CTNNA3: variants seen among roughly 807,000 people sequenced by gnomAD.
The protein encoded by CTNNA3 is catenin alpha 3.
A neutral mutation model predicts 95.7 loss-of-function variants in CTNNA3; 76 were observed. The observed-to-expected ratio is 0.79, with a 90% CI of 0.66 to 0.96. The LOEUF (loss-of-function observed/expected upper bound fraction) is 0.96. Among genes scored for constraint, CTNNA3 ranks in the 40% least tolerant of loss-of-function variants. The pLI is 0.00. For synonymous variants in CTNNA3, 431 were observed against 374.4 expected, an observed-to-expected ratio of 1.15 and a Z score of -1.74; for missense variants, 1,191 against 1,089.8, an observed-to-expected ratio of 1.09 and a Z score of -1.31.
At chr10:66,022,106 T>C (rs6480126) in intron 15 of CTNNA3, among the ~76,000 whole-genome samples, 107,825 of 151,564 alleles carry the variant, frequency 0.71, 38,689 homozygotes, top group East Asian at 0.93. Context: ...AATCTTCCTG[T>C]CTCAGCCTCC....
chr10:67,011,483 C>A (rs1420602225), intron 7 of CTNNA3, among the ~76,000 whole-genome samples: 3 of 152,080 alleles, frequency 2.0e-5, no homozygotes, highest in Non-Finnish European at 2.9e-5. Flanking sequence ...AAGTGCTTTA[C>A]AGTGCTGCAT....
At chr10:66,501,861 T>G (rs912019724) in intron 11 of CTNNA3, among the ~76,000 whole-genome samples, 1 of 152,080 alleles carries the variant, frequency 6.6e-6, no homozygotes, top group Non-Finnish European at 1.5e-5. Context: ...TCAAAATCTT[T>G]AGTACTAAAA....
At chr10:66,132,039 A>C (rs890629827) in intron 13 of CTNNA3, among the ~76,000 whole-genome samples, 5 of 152,228 alleles carry the variant, frequency 3.3e-5, no homozygotes, top group African/African-American at 1.2e-4. Context: ...ACAAAAGCAA[A>C]AATTGACAAA....
At chr10:66,527,147 G>T (rs2132038267) in intron 10 of CTNNA3, among the ~76,000 whole-genome samples, 1 of 152,180 alleles carries the variant, frequency 6.6e-6, no homozygotes, top group East Asian at 1.9e-4. Context: ...CCATGTACTT[G>T]TTTTCCCAGC....
At chr10:67,545,957 A>G (rs543224284) in intron 3 of CTNNA3, among the ~76,000 whole-genome samples, 66 of 152,302 alleles carry the variant, frequency 4.3e-4, no homozygotes, top group African/African-American at 1.4e-3. Flanking sequence ...AACTTTATTA[A>G]TATCTTTTTA....
intron 11 of CTNNA3, among the ~76,000 whole-genome samples, chr10:66,483,789 C>A (rs1839626644): frequency 6.6e-6 from 1 of 152,034 alleles, no homozygotes; most frequent in African/African-American, 2.4e-5. Flanking sequence ...CCCCACTCAC[C>A]CTTAGAAATC....
chr10:67,648,114 A>T (rs1254131931), intron 1 of CTNNA3, among the ~76,000 whole-genome samples: 1 of 152,194 alleles, frequency 6.6e-6, no homozygotes, highest in Non-Finnish European at 1.5e-5. Context: ...AGCCCCTGAG[A>T]AGGCATTGAT....
chr10:66,632,731 C>T (rs1392521801), intron 9 of CTNNA3, among the ~76,000 whole-genome samples: 1 of 151,450 alleles, frequency 6.6e-6, no homozygotes, highest in Non-Finnish European at 1.5e-5. Flanking sequence ...TATATTACTA[C>T]ATAAAAAATT....
chr10:65,940,939 C>A (rs1186472917), intron 17 of CTNNA3, among the ~76,000 whole-genome samples: 1 of 152,292 alleles, frequency 6.6e-6, no homozygotes, highest in Non-Finnish European at 1.5e-5. Context: ...TTTACTGATT[C>A]TTGACCATGC....
At chr10:66,520,511 C>T in intron 11 of CTNNA3, 106 bp downstream of exon 11, 1 of 1,017,998 alleles carries the variant, frequency 9.8e-7, no homozygotes, top group Non-Finnish European at 1.4e-6. Flanking sequence ...CTCGGCTTCC[C>T]AAAGTGTTGG....
intron 1 of CTNNA3, among the ~76,000 whole-genome samples, chr10:67,681,742 G>A (rs766188918): frequency 6.6e-6 from 1 of 151,954 alleles, no homozygotes; most frequent in Non-Finnish European, 1.5e-5. Flanking sequence ...AAAATATTTT[G>A]TTTTCTATAT....
At chr10:67,229,315 C>G (rs1400529979) in intron 5 of CTNNA3, among the ~76,000 whole-genome samples, 1 of 152,076 alleles carries the variant, frequency 6.6e-6, no homozygotes, top group Non-Finnish European at 1.5e-5. Flanking sequence ...AAGGGACATA[C>G]CTCAATGGAA....
At chr10:66,137,049 T>C (rs2083392754) in intron 13 of CTNNA3, among the ~76,000 whole-genome samples, 1 of 152,144 alleles carries the variant, frequency 6.6e-6, no homozygotes, top group African/African-American at 2.4e-5. Flanking sequence ...CTCAAACTCC[T>C]AACCTCAAGC....
chr10:67,497,471 T>C (rs941616342), intron 5 of CTNNA3, among the ~76,000 whole-genome samples: 1 of 152,222 alleles, frequency 6.6e-6, no homozygotes, highest in Admixed American at 6.5e-5. Flanking sequence ...CTGGGTCCAA[T>C]GGTATTTCTG....
chr10:66,852,237 T>C (rs1263010935), intron 7 of CTNNA3, among the ~76,000 whole-genome samples: 1 of 152,142 alleles, frequency 6.6e-6, no homozygotes, highest in Non-Finnish European at 1.5e-5. Context: ...TCATATGTTA[T>C]TACTGAAATT....
chr10:66,347,836 A>G (rs2092536140), intron 12 of CTNNA3, among the ~76,000 whole-genome samples: 2 of 152,060 alleles, frequency 1.3e-5, no homozygotes, highest in Admixed American at 1.3e-4. Context: ...GGATAGAATG[A>G]GACTACCCAT....
intron 6 of CTNNA3, among the ~76,000 whole-genome samples, chr10:67,208,942 A>C (rs892870162): frequency 6.6e-6 from 1 of 152,196 alleles, no homozygotes; most frequent in Admixed American, 6.5e-5. Flanking sequence ...ACACTATTAA[A>C]ATAAAGAGGA....
intron 5 of CTNNA3, among the ~76,000 whole-genome samples, chr10:67,454,737 A>T (rs941867913): frequency 2.0e-5 from 3 of 152,160 alleles, no homozygotes; most frequent in African/African-American, 7.2e-5. Flanking sequence ...TGTATAAGAA[A>T]ATGAGCCAAA....
intron 3 of CTNNA3, among the ~76,000 whole-genome samples, chr10:67,551,978 G>A (rs61866951): frequency 5.9e-4 from 89 of 152,084 alleles, no homozygotes; most frequent in Non-Finnish European, 1.2e-3. Context: ...ATAGAAGGAG[G>A]AAACGGTGAA....
Sources: allele counts gnomAD v4.1 joint callset (sites outside exome capture counted in the v4.1 genomes callset), GRCh38; gene constraint gnomAD v4.1.1; transcripts MANE v1.5; gene names NCBI Gene and HGNC (gene_info 2026-07-23, HGNC 2026-07-21).